The following GLIS3 variants were observed in gnomAD, a reference collection of about 807,000 sequenced individuals.
GLIS3 encodes the protein zinc finger protein GLIS3.
In GLIS3, 53 loss-of-function variants were observed where a neutral mutation model predicts 78.6. The observed-to-expected ratio is 0.67, with a 90% CI of 0.54 to 0.85. The LOEUF (loss-of-function observed/expected upper bound fraction) is 0.85, where lower values mean the gene tolerates loss of function less well. Ranked by LOEUF, GLIS3 falls within the 40% of genes least tolerant of loss-of-function variation. The pLI, the probability that GLIS3 is intolerant of heterozygous loss-of-function variation, is 0.00. For missense variants in GLIS3, 1,703 were observed against 1,231.1 expected, an observed-to-expected ratio of 1.38 and a Z score of -5.74; for synonymous variants, 684 against 509.9, an observed-to-expected ratio of 1.34 and a Z score of -4.60.
chr9:4,456,091 G>C, the GLIS3 span, among the ~76,000 whole-genome samples: 6 of 152,198 alleles, frequency 3.9e-5, no homozygotes, highest in South Asian at 1.0e-3. Context: ...CTGGGCGACA[G>C]AGTGAGACTC....
chr9:4,315,104 G>A (rs966870585), intron 2 of GLIS3, among the ~76,000 whole-genome samples: 7 of 152,198 alleles, frequency 4.6e-5, no homozygotes, highest in African/African-American at 1.7e-4. Flanking sequence ...TTTTCTCGGA[G>A]ATACAACTCC....
chr9:4,337,049 A>T (rs1475048944), intron 2 of GLIS3, among the ~76,000 whole-genome samples: 1 of 152,238 alleles, frequency 6.6e-6, no homozygotes, highest in African/African-American at 2.4e-5. Flanking sequence ...ATGAGATACT[A>T]CTTTTAACCT....
chr9:3,882,626 C>T lies in GLIS3; in HGVS notation c.2129-3031G>A, dbSNP rs555571933. Among the ~76,000 whole-genome samples the T allele has an allele frequency of 1.4e-4, 21 of 152,288 alleles. No individual in the cohort carries two copies. The East Asian group carries it at 3.1e-3, about 22-fold the overall frequency. ...TTTGACTGACTGCCAGTCAAGCCCA[C>T]GTCAACTGGTGTTGACTGACCACCA... On this transcript the variant is annotated intron_variant, in intron 7 of 10. Coordinates refer to ENST00000381971, the MANE Select transcript of GLIS3 (RefSeq NM_001042413.2).
chr9:4,294,078 C>T (rs1452200219), intron 1 of GLIS3, among the ~76,000 whole-genome samples: 2 of 152,172 alleles, frequency 1.3e-5, no homozygotes, highest in Non-Finnish European at 2.9e-5. Context: ...TCTCTTTTCC[C>T]CCAAATCCAG....
chr9:4,160,571 T>C (rs1835394741), intron 2 of GLIS3, among the ~76,000 whole-genome samples: 1 of 152,252 alleles, frequency 6.6e-6, no homozygotes, highest in Non-Finnish European at 1.5e-5. Flanking sequence ...TCTGAGCTTT[T>C]CTGGAACCAA....
chr9:4,185,310 G>C (rs1459713017), intron 2 of GLIS3, among the ~76,000 whole-genome samples: 1 of 152,126 alleles, frequency 6.6e-6, no homozygotes, highest in African/African-American at 2.4e-5. Context: ...TTGCTGAATA[G>C]TATTCCATTA....
rs1248922953 is a variant in GLIS3 at position 4,242,361 on chromosome 9, T to G, written c.388+43677A>C. Among the ~76,000 whole-genome samples the G allele has an allele frequency of 2.0e-5, 3 of 152,190 alleles. No homozygotes were observed. In the East Asian group the frequency reaches 5.8e-4, roughly 29 times the overall value. Reference sequence around the variant, plus strand: ...GGTTTGGCTATTACCCAGGAAATCCTATACTTATTGCTCAAAAACTTGCTT... The same window carrying G: ...GGTTTGGCTATTACCCAGGAAATCCGATACTTATTGCTCAAAAACTTGCTT... On this transcript the variant is annotated intron_variant, in intron 2 of 10. Coordinates refer to ENST00000381971, the MANE Select transcript of GLIS3 (RefSeq NM_001042413.2).
At chr9:3,959,939 G>A (rs1186766359) in intron 4 of GLIS3, among the ~76,000 whole-genome samples, 1 of 152,186 alleles carries the variant, frequency 6.6e-6, no homozygotes, top group Non-Finnish European at 1.5e-5. Flanking sequence ...ACCACCTGAG[G>A]TCAGGAGTTC....
chr9:4,468,085 G>C, the GLIS3 span, among the ~76,000 whole-genome samples: 2 of 152,162 alleles, frequency 1.3e-5, no homozygotes, highest in South Asian at 2.1e-4. Context: ...GAGAAGTTTA[G>C]AGAAAAAAGG....
intron 2 of GLIS3, among the ~76,000 whole-genome samples, chr9:4,159,129 T>C (rs1835278297): frequency 6.6e-6 from 1 of 151,950 alleles, no homozygotes; most frequent in African/African-American, 2.4e-5. Flanking sequence ...GTCTCAACTT[T>C]AGACTATAAG....
chr9:4,398,852 C>G, the GLIS3 span, among the ~76,000 whole-genome samples: 16 of 152,224 alleles, frequency 1.1e-4, no homozygotes, highest in Non-Finnish European at 2.2e-4. Flanking sequence ...ACATGCCTGG[C>G]TAATTTTTGT....
chr9:4,431,060 G>C, the GLIS3 span, among the ~76,000 whole-genome samples: 1 of 152,136 alleles, frequency 6.6e-6, no homozygotes, highest in Non-Finnish European at 1.5e-5. Context: ...CCAAGTATAT[G>C]GATCAGAAAT....
intron 2 of GLIS3, among the ~76,000 whole-genome samples, chr9:4,232,382 T>TAAAAAAAAAAAAA (rs56725850): frequency 2.0e-5 from 2 of 101,654 alleles, no homozygotes; most frequent in African/African-American, 7.3e-5. Flanking sequence ...CCTTGTCTCT[T>TAAAAAAAAAAAAA]AAAAAAAAAA....
the GLIS3 span, among the ~76,000 whole-genome samples, chr9:4,380,876 A>T: frequency 1.3e-5 from 2 of 152,196 alleles, no homozygotes; most frequent in African/African-American, 4.8e-5. Flanking sequence ...TTATCTCTCA[A>T]AATGTCTCTA....
chr9:4,266,210 G>A (rs1054294006), intron 2 of GLIS3, among the ~76,000 whole-genome samples: 2 of 150,484 alleles, frequency 1.3e-5, no homozygotes, highest in Non-Finnish European at 3.0e-5. Context: ...GAGCCACCGC[G>A]CCTGGCCCGC....
exon 1 of GLIS3, chr9:4,348,347 TTATCTC>T: frequency 1.2e-5 from 1 of 80,780 alleles, no homozygotes; most frequent in African/African-American, 3.1e-5. Context: ...CTTTCTGAGG[TTATCTC>T]ACGATCCAAG....
chr9:3,885,660 C>T (rs541904415), intron 7 of GLIS3, among the ~76,000 whole-genome samples: 1 of 152,122 alleles, frequency 6.6e-6, no homozygotes, highest in Non-Finnish European at 1.5e-5. Context: ...CACAGGGACA[C>T]TGAAAAGAAT....
intron 1 of GLIS3, among the ~76,000 whole-genome samples, chr9:4,296,906 A>C (rs1816574528): frequency 1.7e-4 from 1 of 5,716 alleles, no homozygotes; most frequent in Non-Finnish European, 3.8e-4. Context: ...TCAATTGCAA[A>C]AAAAAAAAAA....
intron 2 of GLIS3, among the ~76,000 whole-genome samples, chr9:4,218,844 A>G (rs1244302887): frequency 6.6e-6 from 1 of 152,176 alleles, no homozygotes; most frequent in East Asian, 1.9e-4. Flanking sequence ...CTGATCTTTT[A>G]AAAATGTAAA....
Sources: gnomAD v4.1 joint callset for allele counts (sites outside exome capture counted in the v4.1 genomes callset) on GRCh38, gnomAD v4.1.1 for gene constraint, MANE v1.5 for transcripts, NCBI Gene and HGNC (gene_info 2026-07-23, HGNC 2026-07-21) for gene names.